The following SH3RF3 variants were observed in gnomAD, a reference collection of about 807,000 sequenced individuals.
SH3RF3 encodes SH3 domain containing ring finger 3.
A neutral mutation model predicts 66.3 loss-of-function variants in SH3RF3; 29 were observed. The ratio of observed to expected loss-of-function variants is 0.44; its 90% confidence interval spans 0.33 to 0.60. The LOEUF (loss-of-function observed/expected upper bound fraction) is 0.60. Ranked by LOEUF, SH3RF3 falls within the 20% of genes least tolerant of loss-of-function variation. SH3RF3 has a pLI of 0.04. For missense variants in SH3RF3, 1,194 were observed against 1,190.9 expected (o/e 1.00, Z -0.04); for synonymous variants, 583 against 532.0 (o/e 1.10, Z -1.32).
At chr2:109,415,781 GC>G (rs1451031202) in intron 4 of SH3RF3, among the ~76,000 whole-genome samples, 1 of 152,134 alleles carries the variant, frequency 6.6e-6, no homozygotes, top group East Asian at 1.9e-4. Context: ...GCTCCTCTAG[GC>G]CCACCACCCA....
At chr2:109,430,570 C>T (rs1677177290) in intron 5 of SH3RF3, among the ~76,000 whole-genome samples, 1 of 152,122 alleles carries the variant, frequency 6.6e-6, no homozygotes, top group African/African-American at 2.4e-5. Flanking sequence ...TTCACCTCTC[C>T]CCGTTCTCCT....
intron 3 of SH3RF3, among the ~76,000 whole-genome samples, chr2:109,386,605 G>A (rs1320289977): frequency 6.6e-6 from 1 of 152,088 alleles, no homozygotes; most frequent in African/African-American, 2.4e-5. Flanking sequence ...CTTCCCTTCT[G>A]TTTGGGCCCG....
chr2:109,250,850 T>G (rs1680071757), intron 1 of SH3RF3, among the ~76,000 whole-genome samples: 2 of 152,208 alleles, frequency 1.3e-5, no homozygotes, highest in East Asian at 3.9e-4. Flanking sequence ...CAGTGCTGTT[T>G]AGGTAGAACA....
At chr2:109,195,415 C>T (rs147866520) in intron 1 of SH3RF3, among the ~76,000 whole-genome samples, 1 of 152,250 alleles carries the variant, frequency 6.6e-6, no homozygotes. Flanking sequence ...CCTGCGGACA[C>T]CAGCGTCTGC....
chr2:109,306,475 C>A (rs866876581), intron 1 of SH3RF3, among the ~76,000 whole-genome samples: 2 of 152,218 alleles, frequency 1.3e-5, no homozygotes, highest in Non-Finnish European at 2.9e-5. Context: ...GGTATGGGAG[C>A]AGAGCAGGTG....
chr2:109,181,005 TA>T (rs1338694730), intron 1 of SH3RF3, among the ~76,000 whole-genome samples: 1 of 152,192 alleles, frequency 6.6e-6, no homozygotes, highest in Non-Finnish European at 1.5e-5. Flanking sequence ...CAATCCTACT[TA>T]CCAATTTTCC....
chr2:109,410,249 C>T (rs766150252), intron 4 of SH3RF3, among the ~76,000 whole-genome samples: 11 of 152,202 alleles, frequency 7.2e-5, no homozygotes, highest in Non-Finnish European at 1.0e-4. Context: ...AACACATCGC[C>T]GTCACAGATG....
At chr2:109,429,577 A>T (rs1677132932) in intron 5 of SH3RF3, among the ~76,000 whole-genome samples, 1 of 151,692 alleles carries the variant, frequency 6.6e-6, no homozygotes, top group South Asian at 2.1e-4. Context: ...CCCATTCAGG[A>T]CCCCAGCCTC....
chr2:109,233,706 G>A (rs969160710), intron 1 of SH3RF3, among the ~76,000 whole-genome samples: 1 of 152,174 alleles, frequency 6.6e-6, no homozygotes. Context: ...CTTTTGGCTC[G>A]GAATATTCAT....
chr2:109,302,163 C>T (rs1681484219), intron 1 of SH3RF3, among the ~76,000 whole-genome samples: 1 of 152,210 alleles, frequency 6.6e-6, no homozygotes, highest in African/African-American at 2.4e-5. Context: ...CACGGATCTG[C>T]AAAGCTGGCG....
chr2:109,244,194 CAATG>C (rs1045255172), intron 1 of SH3RF3, among the ~76,000 whole-genome samples: 8 of 152,270 alleles, frequency 5.3e-5, no homozygotes, highest in African/African-American at 1.9e-4. Context: ...GACTGCAAAA[CAATG>C]GATTCTAATC....
chr2:109,374,077 G>C (rs1204936096), intron 3 of SH3RF3, among the ~76,000 whole-genome samples: 4 of 152,254 alleles, frequency 2.6e-5, no homozygotes, highest in Non-Finnish European at 2.9e-5. Context: ...TCCTCCCTCA[G>C]GGCCATGAGG....
intron 1 of SH3RF3, among the ~76,000 whole-genome samples, chr2:109,135,413 A>G (rs777292295): frequency 5.3e-5 from 8 of 152,184 alleles, no homozygotes; most frequent in African/African-American, 7.2e-5. Flanking sequence ...CAAATGGGCT[A>G]GCTTTCCTGA....
At chr2:109,209,823 A>C (rs555625159) in intron 1 of SH3RF3, among the ~76,000 whole-genome samples, 2 of 152,284 alleles carry the variant, frequency 1.3e-5, no homozygotes, top group African/African-American at 4.8e-5. Flanking sequence ...TCCAAGATTT[A>C]TTATTGTGAC....
In SH3RF3 at chr2:109,436,902, A is replaced by G; in HGVS notation, c.1584A>G (p.Ala528=). 1 of 1,613,322 alleles carries G rather than the reference A, an allele frequency of 6.2e-7. No individual in the cohort carries two copies. The highest frequency in any genetic ancestry group is 8.5e-7 in the Non-Finnish European group (1 of 1,179,776). The stretch of plus-strand genomic sequence containing the variant: ...TGCTTTCTCTCCACAGGGTGCCTGC[A>G]GGAGGGGCAGGGCCGCCCCGGAATA... ...NYVTPVSRVP[A]GGAGPPRNNV... Residue 528 remains alanine, a synonymous_variant, in exon 7 of 10, where the codon GCA becomes GCG. Coordinates refer to ENST00000309415, the MANE Select transcript of SH3RF3 (RefSeq NM_001099289.3).
intron 5 of SH3RF3, among the ~76,000 whole-genome samples, chr2:109,420,440 T>C (rs1676843020): frequency 6.6e-6 from 1 of 152,012 alleles, no homozygotes. Flanking sequence ...GTTGTTGTTT[T>C]TGTTTTGTTT....
chr2:109,484,335 G>A (rs552195894), intron 8 of SH3RF3, among the ~76,000 whole-genome samples: 191 of 152,228 alleles, frequency 1.3e-3, no homozygotes, highest in African/African-American at 4.5e-3. Context: ...CCAAAGTGCT[G>A]GGATTACAGG....
In SH3RF3 at chr2:109,129,459, C is replaced by T. The variant is rs1246548612; in HGVS notation, c.-82C>T. On this transcript the variant is annotated 5_prime_UTR_variant, in exon 1 of 10. Transcript: ENST00000309415. ...CACGGCGGAGCCCGGCTCCCCAGTC[C>T]TGATGCTGGCTGCCGGTGGCGGGCT... The T allele has an allele frequency of 1.3e-6, 2 of 1,495,354 alleles. No individual in the cohort carries two copies. Among genetic ancestry groups the T allele is most frequent in the Admixed American group, 2.1e-5 (1 of 48,078 alleles). The allele number at this position is 1,495,354 out of a possible 1,614,324, so 92.6% of individuals were successfully genotyped here. A position where few individuals can be genotyped will look rare whatever the true frequency, so the allele number is the denominator to read the frequency against.
intron 4 of SH3RF3, among the ~76,000 whole-genome samples, chr2:109,400,294 T>C (rs1676271449): frequency 6.6e-6 from 1 of 151,812 alleles, no homozygotes; most frequent in South Asian, 2.1e-4. Flanking sequence ...CCCACGCACA[T>C]GTGCACTCAT....
Sources: allele counts gnomAD v4.1 joint callset (sites outside exome capture counted in the v4.1 genomes callset), GRCh38; gene constraint gnomAD v4.1.1; transcripts MANE v1.5; gene names NCBI Gene and HGNC (gene_info 2026-07-23, HGNC 2026-07-21).